The following TTC28 variants were observed in gnomAD, a reference collection of about 807,000 sequenced individuals.
The protein encoded by TTC28 is tetratricopeptide repeat domain 28, also known as tetratricopeptide repeat protein 28.
Under a neutral mutation model 198.0 loss-of-function variants are expected in TTC28, and 61 were observed. The ratio of observed to expected loss-of-function variants is 0.31; its 90% CI spans 0.25 to 0.38. TTC28 has a LOEUF of 0.38. TTC28 is among the 10% of genes least tolerant of loss of function. The pLI, the probability that TTC28 is intolerant of heterozygous loss-of-function variation, is 1.00. For missense variants in TTC28, 2,678 were observed against 3,164.0 expected (o/e 0.85, Z 3.69); for synonymous variants, 1,171 against 1,297.8 (o/e 0.90, Z 2.10).
intron 1 of TTC28, among the ~76,000 whole-genome samples, chr22:28,674,049 C>CA (rs1278076567): frequency 1.3e-5 from 2 of 152,016 alleles, no homozygotes; most frequent in African/African-American, 4.8e-5. Context: ...AAAGAGCTTT[C>CA]AATTATACTT....
intron 12 of TTC28, among the ~76,000 whole-genome samples, chr22:28,090,711 TA>T (rs1274627165): frequency 6.6e-6 from 1 of 152,222 alleles, no homozygotes; most frequent in Non-Finnish European, 1.5e-5. Flanking sequence ...ATTATGGTTT[TA>T]AAAAATATTT....
chr22:28,125,999 C>T (rs140027302), intron 6 of TTC28, among the ~76,000 whole-genome samples: 12 of 152,154 alleles, frequency 7.9e-5, no homozygotes, highest in African/African-American at 2.9e-4. Flanking sequence ...AATTAGAAAG[C>T]GGCAAAGTCA....
intron 6 of TTC28, among the ~76,000 whole-genome samples, chr22:28,118,007 T>C (rs925516970): frequency 6.6e-6 from 1 of 152,218 alleles, no homozygotes; most frequent in Non-Finnish European, 1.5e-5. Flanking sequence ...ACCCCGATGG[T>C]GATTATTACG....
intron 14 of TTC28, among the ~76,000 whole-genome samples, chr22:28,010,318 GA>G (rs1243714712): frequency 1.3e-5 from 2 of 152,156 alleles, no homozygotes; most frequent in Admixed American, 1.3e-4. Context: ...ACCCCTACAG[GA>G]AAACTAGGTT....
At chr22:28,590,895 G>C (rs2050414872) in intron 2 of TTC28, among the ~76,000 whole-genome samples, 1 of 150,420 alleles carries the variant, frequency 6.6e-6, no homozygotes, top group Non-Finnish European at 1.5e-5. Flanking sequence ...TGTAGTCCCA[G>C]CTACTCAGGA....
intron 2 of TTC28, among the ~76,000 whole-genome samples, chr22:28,611,270 T>A (rs556705180): frequency 2.9e-4 from 44 of 152,172 alleles, no homozygotes; most frequent in African/African-American, 9.6e-4. Flanking sequence ...TCGTCAGATT[T>A]ACCAAGGTTG....
At chr22:28,328,785 AT>A (rs1304868541) in intron 2 of TTC28, among the ~76,000 whole-genome samples, 169 of 144,944 alleles carry the variant, frequency 1.2e-3, no homozygotes, top group African/African-American at 4.1e-3. Context: ...AATAATAATA[AT>A]AATAATAATA....
In TTC28 at chr22:28,522,207, G is replaced by A. The variant is rs143980088; in HGVS notation, c.381+107345C>T. 3.0e-3 allele frequency among the ~76,000 whole-genome samples: 461 copies of A among 152,312 alleles called. 4 individuals are homozygous for A. Among genetic ancestry groups the A allele is most frequent in the African/African-American group, 0.011 (440 of 41,574 alleles). On this transcript the variant is annotated intron_variant, in intron 2 of 22. Coordinates refer to ENST00000397906, the MANE Select transcript of TTC28 (RefSeq NM_001145418.2). ...TTAATACGTTTAAGAAAACGGAGAG[G>A]CTGGGTGCGGTGGCTCACGCCTGTA...
At chr22:28,181,411 G>A (rs1048718667) in intron 5 of TTC28, among the ~76,000 whole-genome samples, 1 of 152,010 alleles carries the variant, frequency 6.6e-6, no homozygotes, top group African/African-American at 2.4e-5. Flanking sequence ...TATGAAAGTT[G>A]GCAAGAAACA....
At chr22:28,563,047 C>G (rs1156475271) in intron 2 of TTC28, among the ~76,000 whole-genome samples, 1 of 152,102 alleles carries the variant, frequency 6.6e-6, no homozygotes, top group Admixed American at 6.6e-5. Context: ...CGCTTGAGCT[C>G]AGGAGGCAGA....
chr22:28,026,385 GAC>G (rs140869627), intron 13 of TTC28, among the ~76,000 whole-genome samples: 1 of 151,922 alleles, frequency 6.6e-6, no homozygotes, highest in East Asian at 1.9e-4. Context: ...CACCCAGCAG[GAC>G]ACACACACAC....
At chr22:28,545,336 A>G (rs1407445291) in intron 2 of TTC28, among the ~76,000 whole-genome samples, 1 of 152,176 alleles carries the variant, frequency 6.6e-6, no homozygotes, top group Non-Finnish European at 1.5e-5. Flanking sequence ...TTGGGAGGCC[A>G]TGACAGGAGG....
intron 1 of TTC28, among the ~76,000 whole-genome samples, chr22:28,644,234 C>T (rs1025560540): frequency 6.6e-6 from 1 of 151,786 alleles, no homozygotes; most frequent in Non-Finnish European, 1.5e-5. Context: ...ACTGACTCTA[C>T]TAAAAATACA....
At chr22:28,032,508 T>C (rs1379965148) in intron 12 of TTC28, among the ~76,000 whole-genome samples, 1 of 151,766 alleles carries the variant, frequency 6.6e-6, no homozygotes. Flanking sequence ...AACGGGGAAT[T>C]GCTGAATGAA....
chr22:28,045,137 C>T (rs972956149), intron 12 of TTC28, among the ~76,000 whole-genome samples: 4 of 152,246 alleles, frequency 2.6e-5, no homozygotes, highest in South Asian at 2.1e-4. Flanking sequence ...TTAATCACAT[C>T]GATAAGGCTC....
At chr22:28,506,409 T>G (rs79280144) in intron 2 of TTC28, among the ~76,000 whole-genome samples, 7,488 of 152,186 alleles carry the variant, frequency 0.049, 267 homozygotes, top group African/African-American at 0.096. Context: ...CTCTGATCTC[T>G]CCCTGGGACA....
intron 6 of TTC28, among the ~76,000 whole-genome samples, chr22:28,120,305 A>G (rs983246425): frequency 3.3e-5 from 5 of 152,100 alleles, no homozygotes; most frequent in Non-Finnish European, 5.9e-5. Context: ...TGTTTGCTAT[A>G]TTGTTGAGCT....
At chr22:28,061,725 T>C (rs1368963772) in intron 12 of TTC28, among the ~76,000 whole-genome samples, 1 of 152,182 alleles carries the variant, frequency 6.6e-6, no homozygotes, top group East Asian at 1.9e-4. Flanking sequence ...CCATATGAAC[T>C]TTAAAGTAGT....
intron 7 of TTC28, 149 bp downstream of exon 7, chr22:28,106,913 G>T: frequency 9.2e-7 from 1 of 1,091,614 alleles, no homozygotes; most frequent in Non-Finnish European, 1.3e-6. Flanking sequence ...TCAACTACTT[G>T]ATTCAAACAG....
Sources: gnomAD v4.1 joint callset for allele counts (sites outside exome capture counted in the v4.1 genomes callset) on GRCh38, gnomAD v4.1.1 for gene constraint, MANE v1.5 for transcripts, NCBI Gene and HGNC (gene_info 2026-07-23, HGNC 2026-07-21) for gene names.